The following TNNI3K variants were observed in gnomAD, a reference collection of about 807,000 sequenced individuals.
The protein encoded by TNNI3K is TNNI3 interacting kinase, also known as serine/threonine-protein kinase TNNI3K.
A neutral mutation model predicts 114.5 loss-of-function variants in TNNI3K; 140 were observed. That is an observed-to-expected ratio of 1.22 (90% confidence interval 1.07 to 1.41). The LOEUF is 1.41. Ranked by LOEUF, TNNI3K falls within the 40% of genes most tolerant of loss-of-function variation. TNNI3K has a pLI of 0.00. For missense variants in TNNI3K, 1,125 were observed against 1,007.6 expected (o/e 1.12, Z -1.58); for synonymous variants, 347 against 347.5 (o/e 1.00, Z 0.02).
intron 4 of TNNI3K, among the ~76,000 whole-genome samples, chr1:74,257,628 G>T (rs77167689): frequency 0.046 from 6,475 of 141,968 alleles, 191 homozygotes; most frequent in Non-Finnish European, 0.057. Flanking sequence ...TAGGCTGAAG[G>T]TATTTCAGTT....
chr1:74,345,579 A>G (rs1369629476), intron 9 of TNNI3K, among the ~76,000 whole-genome samples: 1 of 152,166 alleles, frequency 6.6e-6, no homozygotes, highest in African/African-American at 2.4e-5. Flanking sequence ...AGGAAATGCT[A>G]AGACCCAGTG....
chr1:74,316,889 C>G (rs1189864008), intron 5 of TNNI3K, among the ~76,000 whole-genome samples: 1 of 149,660 alleles, frequency 6.7e-6, no homozygotes, highest in Non-Finnish European at 1.5e-5. Flanking sequence ...TTAGTAGAGA[C>G]AGGGTTTCAC....
intron 2 of TNNI3K, 76 bp from the exon 3 acceptor site, chr1:74,249,383 G>C (rs1654785867): frequency 7.0e-7 from 1 of 1,433,308 alleles, no homozygotes; most frequent in East Asian, 2.3e-5. Flanking sequence ...AACAGGATTT[G>C]CATTTATAAT....
Position 74,261,799 on chromosome 1 carries a change from A to T in TNNI3K, c.334-9799A>T, listed in dbSNP as rs1016243916. Among the ~76,000 whole-genome samples, 2 of 152,164 alleles carry T rather than the reference A, an allele frequency of 1.3e-5. 1 individual carries two copies. Among genetic ancestry groups the T allele is most frequent in the Non-Finnish European group, 2.9e-5 (2 of 68,014 alleles). The stretch of plus-strand genomic sequence containing the variant: ...AACATTTCGTATGATAAAAGCAGAT[A>T]TTGAATGGTAATGGTCATTTATCCC... On this transcript the variant is annotated intron_variant, in intron 4 of 24. Coordinates refer to ENST00000326637, the MANE Select transcript of TNNI3K (RefSeq NM_015978.3).
chr1:74,449,286 A>G (rs1221186562), intron 20 of TNNI3K, among the ~76,000 whole-genome samples: 2 of 151,318 alleles, frequency 1.3e-5, no homozygotes, highest in East Asian at 3.9e-4. Context: ...GGTAGTTTGT[A>G]TTTCTGTGGG....
intron 23 of TNNI3K, among the ~76,000 whole-genome samples, chr1:74,538,027 G>A (rs1020019669): frequency 1.4e-4 from 21 of 152,026 alleles, no homozygotes; most frequent in African/African-American, 5.1e-4. Context: ...ATGGTGTCAG[G>A]ATTCAAATTC....
chr1:74,337,609 T>A (rs1184514479), intron 7 of TNNI3K, among the ~76,000 whole-genome samples: 1 of 152,148 alleles, frequency 6.6e-6, no homozygotes, highest in Non-Finnish European at 1.5e-5. Flanking sequence ...ATATATAACC[T>A]GATGAATATT....
intron 17 of TNNI3K, among the ~76,000 whole-genome samples, chr1:74,383,422 C>T (rs138232365): frequency 1.8e-4 from 28 of 152,140 alleles, no homozygotes; most frequent in Admixed American, 3.3e-4. Flanking sequence ...CACAAACATT[C>T]GCCCCTGCCT....
intron 5 of TNNI3K, among the ~76,000 whole-genome samples, chr1:74,289,486 G>GAATTACAGTCCTGTGCTATA (rs369263112): frequency 3.7e-4 from 1 of 2,680 alleles, no homozygotes; most frequent in Non-Finnish European, 1.1e-3. Context: ...CATAGGTAGT[G>GAATTACAGTCCTGTGCTATA]TCATTAGTCT....
intron 4 of TNNI3K, among the ~76,000 whole-genome samples, chr1:74,253,485 G>A (rs543877216): frequency 4.3e-4 from 66 of 152,254 alleles, no homozygotes; most frequent in Admixed American, 2.2e-3. Context: ...GAGCCCTGCC[G>A]CACGGGGAGG....
chr1:74,326,460 C>T (rs894819575), intron 5 of TNNI3K, among the ~76,000 whole-genome samples: 4 of 152,140 alleles, frequency 2.6e-5, no homozygotes, highest in African/African-American at 9.7e-5. Flanking sequence ...TTATTATAGG[C>T]ATTACTTTTG....
chr1:74,304,528 G>C (rs1658508675), intron 5 of TNNI3K, among the ~76,000 whole-genome samples: 1 of 152,150 alleles, frequency 6.6e-6, no homozygotes, highest in Non-Finnish European at 1.5e-5. Context: ...CCGTAATCTT[G>C]AACTACCAGG....
intron 17 of TNNI3K, chr1:74,418,052 A>G (rs2100628023): frequency 3.0e-6 from 1 of 337,876 alleles, no homozygotes; most frequent in Non-Finnish European, 5.9e-6. Context: ...ATTTCAATTA[A>G]AACATCATCT....
intron 23 of TNNI3K, among the ~76,000 whole-genome samples, chr1:74,524,586 G>A (rs190338144): frequency 7.2e-5 from 11 of 152,114 alleles, no homozygotes; most frequent in Non-Finnish European, 1.2e-4. Flanking sequence ...TTGGTTCTAA[G>A]AGCAATGGGC....
At chr1:74,500,205 AT>A (rs1171117905) in intron 23 of TNNI3K, among the ~76,000 whole-genome samples, 1 of 152,076 alleles carries the variant, frequency 6.6e-6, no homozygotes, top group Non-Finnish European at 1.5e-5. Flanking sequence ...GATTTTATAA[AT>A]TCCATAATGA....
At chr1:74,280,836 A>G (rs1041363730) in intron 5 of TNNI3K, among the ~76,000 whole-genome samples, 2 of 152,048 alleles carry the variant, frequency 1.3e-5, no homozygotes, top group African/African-American at 4.8e-5. Flanking sequence ...CCAGTGAGAC[A>G]CCAGCGGTGG....
chr1:74,237,925 A>G (rs1425323306), intron 2 of TNNI3K, among the ~76,000 whole-genome samples: 1 of 152,032 alleles, frequency 6.6e-6, no homozygotes, highest in African/African-American at 2.4e-5. Context: ...GATTAGAGAC[A>G]AGGCAGTGGG....
intron 4 of TNNI3K, among the ~76,000 whole-genome samples, chr1:74,271,371 A>G (rs779616869): frequency 1.3e-5 from 2 of 151,834 alleles, no homozygotes; most frequent in Non-Finnish European, 2.9e-5. Context: ...TTCTTGTTCA[A>G]GCGGTAGAGG....
intron 23 of TNNI3K, among the ~76,000 whole-genome samples, chr1:74,522,925 A>G (rs1246730166): frequency 3.9e-5 from 6 of 152,232 alleles, no homozygotes; most frequent in Non-Finnish European, 1.5e-5. Context: ...AGAAGCCTAC[A>G]CTTCTAACTC....
Sources: gnomAD v4.1 joint callset for allele counts (sites outside exome capture counted in the v4.1 genomes callset) on GRCh38, gnomAD v4.1.1 for gene constraint, MANE v1.5 for transcripts, NCBI Gene and HGNC (gene_info 2026-07-23, HGNC 2026-07-21) for gene names.